Variants in ZNF407 observed in about 807,000 individuals in gnomAD.
The protein encoded by ZNF407 is zinc finger protein 407.
ZNF407 carries 17 observed loss-of-function variants against 131.2 expected under a neutral mutation model. That is an observed-to-expected ratio of 0.13 (90% CI 0.09 to 0.19). ZNF407 has a LOEUF of 0.19. ZNF407 is among the 10% of genes least tolerant of loss of function. ZNF407 has a pLI of 1.00. For missense variants in ZNF407, 2,681 were observed against 2,830.6 expected (o/e 0.95, Z 1.20); for synonymous variants, 1,156 against 1,062.0 (o/e 1.09, Z -1.72).
intron 8 of ZNF407, among the ~76,000 whole-genome samples, chr18:75,010,535 A>G (rs1275773687): frequency 6.6e-6 from 1 of 152,174 alleles, no homozygotes; most frequent in African/African-American, 2.4e-5. Context: ...TATTTTTTGT[A>G]TCCCAGCTGC....
intron 7 of ZNF407, among the ~76,000 whole-genome samples, chr18:74,908,380 A>C (rs1252117503): frequency 2.0e-5 from 3 of 152,160 alleles, no homozygotes; most frequent in Non-Finnish European, 2.9e-5. Context: ...ATGGTGTAGG[A>C]CAATAAGTCA....
chr18:74,682,931 C>T (rs1967019094), intron 3 of ZNF407, among the ~76,000 whole-genome samples: 1 of 152,162 alleles, frequency 6.6e-6, no homozygotes, highest in South Asian at 2.1e-4. Flanking sequence ...TGTATGCACA[C>T]TTGTGTCTGG....
chr18:74,909,742 C>T (rs1430086522), intron 7 of ZNF407, among the ~76,000 whole-genome samples: 1 of 152,036 alleles, frequency 6.6e-6, no homozygotes, highest in Non-Finnish European at 1.5e-5. Flanking sequence ...AACCTTTATA[C>T]AAATTTCATG....
At chr18:74,720,748 G>A (rs1480858700) in intron 3 of ZNF407, among the ~76,000 whole-genome samples, 3 of 151,786 alleles carry the variant, frequency 2.0e-5, no homozygotes, top group Non-Finnish European at 2.9e-5. Context: ...TGCCAGCATC[G>A]TCAATGAGTG....
intron 7 of ZNF407, among the ~76,000 whole-genome samples, chr18:74,919,981 G>A (rs1191366319): frequency 3.3e-5 from 5 of 152,132 alleles, no homozygotes; most frequent in Non-Finnish European, 5.9e-5. Context: ...CACAGAAAAC[G>A]CCACGGGATT....
At chr18:75,019,887 C>T (rs1213695821) in intron 8 of ZNF407, among the ~76,000 whole-genome samples, 1 of 152,096 alleles carries the variant, frequency 6.6e-6, no homozygotes, top group Non-Finnish European at 1.5e-5. Context: ...CTCATGAGAA[C>T]TTACTCATCA....
chr18:74,826,933 A>T (rs979241848), intron 4 of ZNF407, among the ~76,000 whole-genome samples: 28 of 152,236 alleles, frequency 1.8e-4, no homozygotes, highest in African/African-American at 6.5e-4. Flanking sequence ...AAATTATAGA[A>T]AAGTTGTGAA....
At chr18:75,045,160 CAT>C (rs752061190) in intron 8 of ZNF407, among the ~76,000 whole-genome samples, 8 of 152,042 alleles carry the variant, frequency 5.3e-5, no homozygotes, top group East Asian at 3.9e-4. Context: ...ATGTACATAA[CAT>C]GTGCCTGTGT....
intron 3 of ZNF407, among the ~76,000 whole-genome samples, chr18:74,683,374 A>T (rs1967029521): frequency 6.6e-6 from 1 of 152,218 alleles, no homozygotes; most frequent in African/African-American, 2.4e-5. Flanking sequence ...TTCTAGAACA[A>T]CAAACTATTA....
intron 4 of ZNF407, among the ~76,000 whole-genome samples, chr18:74,801,527 G>A (rs567726457): frequency 6.6e-6 from 1 of 152,076 alleles, no homozygotes; most frequent in South Asian, 2.1e-4. Context: ...TCTCTTACAG[G>A]TATATTCAAT....
intron 7 of ZNF407, chr18:74,905,262 G>A (rs1368871373): frequency 6.6e-6 from 1 of 152,220 alleles, no homozygotes; most frequent in Non-Finnish European, 1.5e-5. Flanking sequence ...ATAAACCGAA[G>A]CAGTAATCAG....
intron 8 of ZNF407, among the ~76,000 whole-genome samples, chr18:75,035,954 G>C (rs1264019434): frequency 3.3e-5 from 5 of 152,358 alleles, no homozygotes; most frequent in African/African-American, 1.2e-4. Context: ...TGAGTTAATA[G>C]AAAACAAAGA....
chr18:74,838,167 A>G (rs1402763658), intron 4 of ZNF407, among the ~76,000 whole-genome samples: 7 of 151,566 alleles, frequency 4.6e-5, no homozygotes, highest in Non-Finnish European at 8.8e-5. Flanking sequence ...CTCTCTACCC[A>G]CTCCTTAAAA....
chr18:74,805,073 G>T (rs1382256495), intron 4 of ZNF407, among the ~76,000 whole-genome samples: 3 of 152,172 alleles, frequency 2.0e-5, no homozygotes, highest in Non-Finnish European at 4.4e-5. Context: ...TTTAAAAAAT[G>T]ACCTCTTTTT....
intron 8 of ZNF407, among the ~76,000 whole-genome samples, chr18:74,986,812 A>G (rs1023616762): frequency 6.6e-6 from 1 of 152,194 alleles, no homozygotes; most frequent in Non-Finnish European, 1.5e-5. Flanking sequence ...CGTATCCTGT[A>G]TATTCCAGAC....
At chr18:74,856,122 C>G (rs1311551430) in intron 4 of ZNF407, among the ~76,000 whole-genome samples, 1 of 152,210 alleles carries the variant, frequency 6.6e-6, no homozygotes. Flanking sequence ...ACCCTATTTT[C>G]TATTACAAAT....
rs574215946 is a variant in ZNF407, at chr18:74,799,297, T to A, written c.4877+17795T>A. Among the ~76,000 whole-genome samples the A allele has an allele frequency of 7.0e-4, 107 of 152,270 alleles. 2 individuals are homozygous for A. The highest frequency in any genetic ancestry group is 7.0e-3 in the Admixed American group (107 of 15,288). ...TGTAAATTCAGTATTTTCCATGAAC[T>A]GTTTCCCATAGGACAGAAACAGTCT... On this transcript the variant is annotated intron_variant, in intron 4 of 8. Transcript: ENST00000299687.
intron 8 of ZNF407, among the ~76,000 whole-genome samples, chr18:75,026,487 TG>T (rs996448714): frequency 6.6e-6 from 1 of 152,234 alleles, no homozygotes; most frequent in African/African-American, 2.4e-5. Context: ...AAGACATAGC[TG>T]TTAATTGCAT....
At chr18:74,723,275 G>C (rs906803621) in intron 3 of ZNF407, among the ~76,000 whole-genome samples, 1 of 152,098 alleles carries the variant, frequency 6.6e-6, no homozygotes, top group Non-Finnish European at 1.5e-5. Flanking sequence ...AATAATGCCA[G>C]CATTGTGTCA....
Sources: allele counts gnomAD v4.1 joint callset (sites outside exome capture counted in the v4.1 genomes callset), GRCh38; gene constraint gnomAD v4.1.1; transcripts MANE v1.5; gene names NCBI Gene and HGNC (gene_info 2026-07-23, HGNC 2026-07-21).